The following CSMD3 variants were observed in gnomAD, a reference collection of about 807,000 sequenced individuals.
CSMD3 encodes CUB and Sushi multiple domains 3.
In CSMD3, 177 loss-of-function variants were observed where a neutral mutation model predicts 435.2. The ratio of observed to expected loss-of-function variants is 0.41; its 90% CI spans 0.36 to 0.46. The LOEUF (loss-of-function observed/expected upper bound fraction) is 0.46. Among genes scored for constraint, CSMD3 ranks in the 20% least tolerant of loss-of-function variants. CSMD3 has a pLI of 0.34. For synonymous variants in CSMD3, 1,656 were observed against 1,520.5 expected (o/e 1.09, Z -2.07); for missense variants, 4,265 against 4,504.6 (o/e 0.95, Z 1.52).
intron 31 of CSMD3, among the ~76,000 whole-genome samples, chr8:112,491,524 C>T (rs1349007213): frequency 1.3e-5 from 2 of 151,900 alleles, no homozygotes; most frequent in Non-Finnish European, 2.9e-5. Flanking sequence ...GTGGTGTGCA[C>T]CTGTAATCCC....
intron 3 of CSMD3, among the ~76,000 whole-genome samples, chr8:113,182,872 C>CTGTTGT (rs71281205): frequency 0.015 from 2,044 of 136,998 alleles, 46 homozygotes; most frequent in African/African-American, 0.047. Context: ...TTTGTTGTTG[C>CTGTTGT]TGTTGTTGTT....
At chr8:112,911,790 A>G (rs1488209108) in intron 10 of CSMD3, among the ~76,000 whole-genome samples, 1 of 145,896 alleles carries the variant, frequency 6.9e-6, no homozygotes, top group Non-Finnish European at 1.5e-5. Flanking sequence ...ATAAAATATA[A>G]TTATGTTATA....
chr8:112,630,229 C>A (rs2074476100), intron 22 of CSMD3, among the ~76,000 whole-genome samples: 3 of 151,960 alleles, frequency 2.0e-5, no homozygotes, highest in South Asian at 2.1e-4. Flanking sequence ...TTGTGGTAAT[C>A]TATTACTCAT....
intron 45 of CSMD3, among the ~76,000 whole-genome samples, chr8:112,320,650 C>T (rs1375105437): frequency 6.9e-6 from 1 of 144,500 alleles, no homozygotes; most frequent in Non-Finnish European, 1.5e-5. Flanking sequence ...TCCCCTCCAC[C>T]CCACGACAGG....
At chr8:113,149,131 G>C (rs1184126646) in intron 4 of CSMD3, among the ~76,000 whole-genome samples, 1 of 151,744 alleles carries the variant, frequency 6.6e-6, no homozygotes, top group African/African-American at 2.4e-5. Context: ...ATTTAGGAAA[G>C]AGAGGCAAAA....
At chr8:113,019,763 A>G (rs1287187076) in intron 5 of CSMD3, among the ~76,000 whole-genome samples, 1 of 152,050 alleles carries the variant, frequency 6.6e-6, no homozygotes, top group Admixed American at 6.6e-5. Context: ...ATGTTTTTTC[A>G]GTATTTCTCA....
At chr8:112,295,691 T>C (rs538805001) in intron 54 of CSMD3, 142 bp downstream of exon 54, 4 of 681,078 alleles carry the variant, frequency 5.9e-6, no homozygotes, top group Admixed American at 2.2e-5. Flanking sequence ...GACTTTTGCA[T>C]AGCAGTATCA....
At chr8:112,616,665 A>G (rs1386340980) in intron 22 of CSMD3, among the ~76,000 whole-genome samples, 1 of 152,086 alleles carries the variant, frequency 6.6e-6, no homozygotes, top group African/African-American at 2.4e-5. Context: ...CAGGAAACAC[A>G]AGATCAGCGT....
At chr8:112,669,821 A>G (rs1586932326) in intron 16 of CSMD3, among the ~76,000 whole-genome samples, 2 of 152,302 alleles carry the variant, frequency 1.3e-5, no homozygotes, top group South Asian at 4.1e-4. Flanking sequence ...ATTATTTTAT[A>G]TAATGCTCAA....
At chr8:113,406,068 A>C (rs190209079) in intron 1 of CSMD3, among the ~76,000 whole-genome samples, 1 of 151,874 alleles carries the variant, frequency 6.6e-6, no homozygotes. Flanking sequence ...ATATGACAAA[A>C]TTGTCAAATT....
chr8:113,223,450 A>C (rs1393063294), intron 3 of CSMD3, among the ~76,000 whole-genome samples: 1 of 150,544 alleles, frequency 6.6e-6, no homozygotes, highest in Non-Finnish European at 1.5e-5. Context: ...GTACCTGCTC[A>C]GTATGGTTGC....
At chr8:112,444,660 A>C (rs1261504051) in intron 32 of CSMD3, among the ~76,000 whole-genome samples, 1 of 152,230 alleles carries the variant, frequency 6.6e-6, no homozygotes, top group Non-Finnish European at 1.5e-5. Flanking sequence ...AAAACATCAA[A>C]CTAATTTAGC....
chr8:113,194,614 T>C (rs1327482735), intron 3 of CSMD3, among the ~76,000 whole-genome samples: 36 of 151,298 alleles, frequency 2.4e-4, no homozygotes, highest in Non-Finnish European at 4.4e-5. Flanking sequence ...TGATACAGAA[T>C]GCTAATCCTG....
chr8:113,361,110 T>C (rs994896722), intron 1 of CSMD3, among the ~76,000 whole-genome samples: 3 of 152,176 alleles, frequency 2.0e-5, no homozygotes, highest in Non-Finnish European at 2.9e-5. Flanking sequence ...ACTGAAAAGC[T>C]CCATCTGCTG....
At chr8:113,255,893 A>G (rs2093376214) in intron 3 of CSMD3, among the ~76,000 whole-genome samples, 1 of 152,006 alleles carries the variant, frequency 6.6e-6, no homozygotes. Flanking sequence ...TACTTTTGCT[A>G]TTATTTTACA....
intron 32 of CSMD3, among the ~76,000 whole-genome samples, chr8:112,445,880 T>C (rs1396147011): frequency 6.6e-6 from 1 of 152,158 alleles, no homozygotes; most frequent in African/African-American, 2.4e-5. Context: ...ACCACAAAAA[T>C]GCACTTAAAG....
rs184356667 is a variant in CSMD3, at chr8:112,419,068, G to A, written c.5396-10036C>T. Among the ~76,000 whole-genome samples the A allele has an allele frequency of 5.1e-4, 78 of 152,146 alleles. 1 individual carries two copies. The highest frequency in any genetic ancestry group is 6.8e-3 in the Middle Eastern group (2 of 292). On this transcript the variant is annotated intron_variant, in intron 32 of 70. Transcript: ENST00000297405. ...AGACACTTCTAGTCTCATGCATAAG[G>A]GATGATTAGGGATACTTGACTGTAC...
chr8:112,228,799 C>CA lies in CSMD3; in HGVS notation c.10920dup (p.Ala3641CysfsTer13). Reference sequence around the variant, plus strand: ...AATCCAAATCCTGCAAATATAAGTGCAAAAAAAGGCACAAGAATAGCAATG... The same window carrying CA: ...AATCCAAATCCTGCAAATATAAGTGCAAAAAAAAGGCACAAGAATAGCAATG... On this transcript the variant is annotated frameshift_variant, in exon 70 of 71. Coordinates refer to ENST00000297405, the MANE Select transcript of CSMD3 (RefSeq NM_198123.2). LOFTEE classifies it high-confidence loss of function. 4 of 1,587,242 alleles carry CA rather than the reference C, an allele frequency of 2.5e-6. No individual in the cohort carries two copies. The highest frequency in any genetic ancestry group is 1.3e-5 in the African/African-American group (1 of 74,168).
At chr8:112,973,123 C>T (rs138319488) in intron 7 of CSMD3, among the ~76,000 whole-genome samples, 3 of 151,972 alleles carry the variant, frequency 2.0e-5, no homozygotes, top group South Asian at 2.1e-4. Flanking sequence ...TGCAGTTTCC[C>T]GTGGGTCATC....
Sources: allele counts gnomAD v4.1 joint callset (sites outside exome capture counted in the v4.1 genomes callset), GRCh38; gene constraint gnomAD v4.1.1; transcripts MANE v1.5; gene names NCBI Gene and HGNC (gene_info 2026-07-23, HGNC 2026-07-21).